SHC2: variants seen among roughly 807,000 people sequenced by gnomAD.
The protein encoded by SHC2 is SHC-transforming protein 2.
Under a neutral mutation model 60.6 loss-of-function variants are expected in SHC2, and 62 were observed. The observed-to-expected ratio is 1.02, with a 90% CI of 0.83 to 1.26. SHC2 has a LOEUF of 1.26. Among genes scored for constraint, SHC2 ranks in the 50% most tolerant of loss-of-function variants. SHC2 has a pLI of 0.00. For missense variants in SHC2, 873 were observed against 822.2 expected, an observed-to-expected ratio of 1.06 and a Z score of -0.76; for synonymous variants, 375 against 372.4, an observed-to-expected ratio of 1.01 and a Z score of -0.08.
At chr19:456,566 T>G (rs1413231294) in intron 1 of SHC2, among the ~76,000 whole-genome samples, 2 of 149,850 alleles carry the variant, frequency 1.3e-5, no homozygotes, top group Non-Finnish European at 3.0e-5. Context: ...ACCCCCTACT[T>G]AAAACCACCC....
chr19:421,953 C>G (rs1974280798), intron 11 of SHC2, among the ~76,000 whole-genome samples, 193 bp downstream of exon 11: 1 of 152,188 alleles, frequency 6.6e-6, no homozygotes, highest in African/African-American at 2.4e-5. Flanking sequence ...AGTAGCTGGT[C>G]AAAGGCAACA....
At chr19:447,777 T>TA (rs200158967) in intron 1 of SHC2, among the ~76,000 whole-genome samples, 12,097 of 149,978 alleles carry the variant, frequency 0.081, 1,016 homozygotes, top group East Asian at 0.23. Context: ...AAACTCCATC[T>TA]AAAAAAAAAA....
chr19:425,010 C>G lies in SHC2; in HGVS notation c.1309+87G>C. 7.7e-7 allele frequency: 1 copy of G among 1,293,470 alleles called. No homozygotes were observed. Among genetic ancestry groups the G allele is most frequent in the South Asian group, 2.7e-5 (1 of 37,038 alleles). 80.1% of individuals were successfully genotyped at this position (1,293,470 alleles called of 1,614,324 possible). ...GCCTCCCCCATCAGACCAGGGAATCCCGTAGGGAGTGGGGGTGGGGTTGTG... is the reference window on the plus strand; with the variant it reads ...GCCTCCCCCATCAGACCAGGGAATCGCGTAGGGAGTGGGGGTGGGGTTGTG... On this transcript the variant is annotated intron_variant, in intron 10 of 12. Transcript: ENST00000264554. This position sits in a 1 kb window ranked among gnomAD's most constrained non-coding sequence, Gnocchi z 4.1.
rs938018364 is a variant in SHC2, at chr19:422,678, G to A, written c.1310-222C>T. The A allele has an allele frequency of 1.3e-5, 7 of 520,452 alleles. No homozygotes were observed. The East Asian group carries it at 1.8e-4, about 14-fold the overall frequency. 32.2% of individuals were successfully genotyped at this position (520,452 alleles called of 1,614,324 possible). A position where few individuals can be genotyped will look rare whatever the true frequency, so the allele number is the denominator to read the frequency against. On this transcript the variant is annotated intron_variant, in intron 10 of 12. Coordinates refer to ENST00000264554, the MANE Select transcript of SHC2 (RefSeq NM_012435.3). The surrounding 1 kb of genome is among the most constrained non-coding windows in gnomAD (Gnocchi z 5.0). ...TGGACTCCCCAGGTTGGGTTTTCTA[G>A]GCACGTACTAAGCATGTACAAAGGG...
rs752640677 is a variant in SHC2, at chr19:430,738, G to A, written c.1120C>T (p.Pro374Ser). 5.0e-6 allele frequency: 8 copies of A among 1,613,138 alleles called. No homozygotes were observed. Among genetic ancestry groups the A allele is most frequent in the South Asian group, 3.3e-5 (3 of 91,030 alleles). The change falls in exon 9 of 13, where the codon CCT becomes TCT. Residue 374 changes from proline (P) to serine (S), a missense_variant. By Grantham distance (74) the Pro-to-Ser change is moderately conservative. Transcript: ENST00000264554. ...ALTALDQGPSPSLRDACSLPW... is the reference protein window; with the variant it reads ...ALTALDQGPSSSLRDACSLPW... ...AGGCTGCAGGCATCTCTTAGAGAAG[G>A]AGATGGGCCCTGGAAACAGAGCAGT...
chr19:435,813 C>A (rs556606435), intron 7 of SHC2: 2 of 258,402 alleles, frequency 7.7e-6, no homozygotes, highest in Non-Finnish European at 7.6e-6. Flanking sequence ...CACGTCCCCC[C>A]CTTTACACAT....
At chr19:458,177 G>A (rs369854812) in intron 1 of SHC2, among the ~76,000 whole-genome samples, 30 of 130,634 alleles carry the variant, frequency 2.3e-4, no homozygotes, top group African/African-American at 8.1e-4. Flanking sequence ...GGAGGCAGAC[G>A]CATGTTCCGG....
At chr19:434,415 A>G (rs1568287080) in intron 8 of SHC2, among the ~76,000 whole-genome samples, 2 of 9,198 alleles carry the variant, frequency 2.2e-4, no homozygotes, top group African/African-American at 9.0e-4. Context: ...TGTGAGTGAG[A>G]TAGTGAGTGA....
intron 7 of SHC2, among the ~76,000 whole-genome samples, chr19:435,100 G>A (rs1038543942): frequency 6.6e-6 from 1 of 152,284 alleles, no homozygotes; most frequent in African/African-American, 2.4e-5. Flanking sequence ...AAGGCAGGTC[G>A]TTGGCAAACC....
chr19:460,916 C>A lies in SHC2; in HGVS notation c.81G>T (p.Ala27=), dbSNP rs962958599. ...TCCACTGCGGCATTCGGGGCAGCAACGCGCAGAAGGTGGTGGGCGCCTCGG... is the reference window on the plus strand; with the variant it reads ...TCCACTGCGGCATTCGGGGCAGCAAAGCGCAGAAGGTGGTGGGCGCCTCGG... ...PEPEAPTTFC[A]LLPRMPQWKF... is the part of the protein sequence containing the mutation. The change falls in exon 1 of 13, where the codon GCG becomes GCT. Residue 27 remains alanine, a synonymous_variant. Coordinates refer to ENST00000264554, the MANE Select transcript of SHC2 (RefSeq NM_012435.3). 1.7e-5 allele frequency: 17 copies of A among 989,920 alleles called. No individual in the cohort carries two copies. Among genetic ancestry groups the A allele is most frequent in the Middle Eastern group, 5.1e-4 (1 of 1,948 alleles). 61.3% of individuals were successfully genotyped at this position (989,920 alleles called of 1,614,324 possible). A position where few individuals can be genotyped will look rare whatever the true frequency, so the allele number is the denominator to read the frequency against.
chr19:428,303 G>A (rs1430911348), intron 9 of SHC2, among the ~76,000 whole-genome samples: 3 of 152,204 alleles, frequency 2.0e-5, no homozygotes, highest in Non-Finnish European at 4.4e-5. Flanking sequence ...GAAATGGCCC[G>A]AGTGCCCCTC....
At position 449,146 on chromosome 19, in the gene SHC2, C is replaced by T. The variant is rs142570213; in HGVS notation, c.469-8214G>A. 1.4e-3 allele frequency among the ~76,000 whole-genome samples: 210 copies of T among 151,450 alleles called. 2 individuals carry two copies. The East Asian group carries it at 0.029, about 21-fold the overall frequency. ...TGGTGCCACTGCACTCCAGCCTGGGCGACAGAGCCAGACTCTGTCTCTAAA... is the reference window on the plus strand; with the variant it reads ...TGGTGCCACTGCACTCCAGCCTGGGTGACAGAGCCAGACTCTGTCTCTAAA... On this transcript the variant is annotated intron_variant, in intron 1 of 12. Transcript: ENST00000264554.
intron 9 of SHC2, among the ~76,000 whole-genome samples, chr19:428,204 G>A (rs1363140798): frequency 6.6e-6 from 1 of 152,182 alleles, no homozygotes; most frequent in Non-Finnish European, 1.5e-5. Context: ...CAACCTGGGC[G>A]ACAAAGCAAG....
At position 422,392 on chromosome 19, in the gene SHC2, AGGGG is replaced by A. The variant is rs772794410; in HGVS notation, c.1370_1373del (p.Ala457ValfsTer35). 1 of 1,599,756 alleles carries A rather than the reference AGGGG, an allele frequency of 6.3e-7. No individual in the cohort carries two copies. Among genetic ancestry groups the A allele is most frequent in the Non-Finnish European group, 8.5e-7 (1 of 1,173,974 alleles). ...TGGGCCACTGGTCCTCCAAGGGAAG[AGGGG>A]CTGCTGTCACGCCTGCCGCCACTGA... On this transcript the variant is annotated frameshift_variant, in exon 11 of 13. Coordinates refer to ENST00000264554, the MANE Select transcript of SHC2 (RefSeq NM_012435.3). LOFTEE classifies it high-confidence loss of function. The surrounding 1 kb of genome is among the most constrained non-coding windows in gnomAD (Gnocchi z 5.0).
Position 438,196 on chromosome 19 carries a change from C to T in SHC2, c.720+522G>A, listed in dbSNP as rs1020262242. Among the ~76,000 whole-genome samples the T allele has an allele frequency of 6.6e-6, 1 of 152,142 alleles. No homozygotes were observed. Among genetic ancestry groups the T allele is most frequent in the African/African-American group, 2.4e-5 (1 of 41,426 alleles). On this transcript the variant is annotated intron_variant, in intron 4 of 12. Transcript: ENST00000264554. This position sits in a 1 kb window ranked among gnomAD's most constrained non-coding sequence, Gnocchi z 5.0. ...TCAGCCATGTTGGCCAGGCTGGTCTCGAACTCCTGACCTCAAGTGATCTGC... is the reference window on the plus strand; with the variant it reads ...TCAGCCATGTTGGCCAGGCTGGTCTTGAACTCCTGACCTCAAGTGATCTGC...
In SHC2 at chr19:436,652, G is replaced by T; in HGVS notation, c.752C>A (p.Ser251Tyr). The change falls in exon 5 of 13, where the codon TCC becomes TAC. Residue 251 changes from serine (S) to tyrosine (Y), a missense_variant. By Grantham distance (144) the Ser-to-Tyr change is moderately radical. Transcript: ENST00000264554. Reference protein sequence around the residue: ...VIANHHMPSISFASGGDTDMT... With the variant: ...VIANHHMPSIYFASGGDTDMT... ...CACCGTGTCTCCGCCTGACGCGAAG[G>T]AGATGGACGGCATGTGGTGGTTGGC... is the stretch of plus-strand genomic sequence containing the variant. The T allele has an allele frequency of 6.2e-7, 1 of 1,607,652 alleles. No homozygotes were observed.
At chr19:460,416 A>T in intron 1 of SHC2, 113 bp downstream of exon 1, 1 of 366,614 alleles carries the variant, frequency 2.7e-6, no homozygotes, top group Non-Finnish European at 4.3e-6. Context: ...GCGGGAGAGC[A>T]GGAAGGATGG....
At chr19:437,231 TTTG>T (rs2145721363) in intron 4 of SHC2, among the ~76,000 whole-genome samples, 1 of 152,234 alleles carries the variant, frequency 6.6e-6, no homozygotes, top group Admixed American at 6.5e-5. Flanking sequence ...TGCGTGCTCG[TTTG>T]CGAGCTCATC....
chr19:447,122 G>T (rs1055504552), intron 1 of SHC2, among the ~76,000 whole-genome samples: 1 of 152,218 alleles, frequency 6.6e-6, no homozygotes, highest in African/African-American at 2.4e-5. Context: ...GGGTCCATCC[G>T]CACTCTGGAA....
Sources: allele counts gnomAD v4.1 joint callset (sites outside exome capture counted in the v4.1 genomes callset), GRCh38; gene constraint gnomAD v4.1.1; non-coding constraint Gnocchi (gnomAD v3.1); transcripts MANE v1.5; gene names NCBI Gene and HGNC (gene_info 2026-07-23, HGNC 2026-07-21).